The following MEF2D variants were observed in gnomAD, a reference collection of about 807,000 sequenced individuals.
The protein encoded by MEF2D is myocyte enhancer factor 2D.
Under a neutral mutation model 59.3 loss-of-function variants are expected in MEF2D, and 10 were observed. The observed-to-expected ratio is 0.17, with a 90% confidence interval of 0.10 to 0.29. The LOEUF (loss-of-function observed/expected upper bound fraction) is 0.29, where lower values mean the gene tolerates loss of function less well. Ranked by LOEUF, MEF2D falls within the 10% of genes least tolerant of loss-of-function variation. The probability of loss-of-function intolerance (pLI) is 1.00; values close to 1 mark genes in which losing one functional copy is unlikely to be tolerated. For missense variants in MEF2D, 508 were observed against 699.4 expected, an observed-to-expected ratio of 0.73 and a Z score of 3.09; for synonymous variants, 305 against 295.0, an observed-to-expected ratio of 1.03 and a Z score of -0.35.
chr1:156,482,878 A>T (rs1188486029), intron 2 of MEF2D, among the ~76,000 whole-genome samples: 1 of 152,214 alleles, frequency 6.6e-6, no homozygotes, highest in Non-Finnish European at 1.5e-5. Flanking sequence ...ATTCAGGTGG[A>T]CAGAACTCCA....
intron 9 of MEF2D, among the ~76,000 whole-genome samples, chr1:156,469,605 A>AG (rs960555370): frequency 4.7e-5 from 6 of 127,204 alleles, no homozygotes; most frequent in African/African-American, 1.6e-4. Context: ...AAAAAAAAAA[A>AG]ACAGCTGGGC....
At chr1:156,481,364 G>A (rs1672006250) in intron 3 of MEF2D, among the ~76,000 whole-genome samples, 1 of 152,188 alleles carries the variant, frequency 6.6e-6, no homozygotes, top group Admixed American at 6.5e-5. Flanking sequence ...TGACCAGAAG[G>A]CACTGAGTTC....
At chr1:156,467,896 G>C in intron 11 of MEF2D, 97 bp downstream of exon 11, 2 of 1,453,942 alleles carry the variant, frequency 1.4e-6, no homozygotes, top group East Asian at 2.3e-5. Flanking sequence ...CCGGCCACAA[G>C]GCCTCTTGGG....
At chr1:156,469,894 A>G (rs1671123575) in intron 9 of MEF2D, among the ~76,000 whole-genome samples, 1 of 152,058 alleles carries the variant, frequency 6.6e-6, no homozygotes, top group Admixed American at 6.5e-5. Context: ...AAAAAAAATC[A>G]TGTGTAGGTA....
intron 1 of MEF2D, among the ~76,000 whole-genome samples, chr1:156,495,587 G>A (rs892650411): frequency 3.3e-5 from 5 of 151,838 alleles, no homozygotes; most frequent in South Asian, 2.1e-4. Context: ...CCGGAGGATC[G>A]CTTGAATGGG....
At chr1:156,473,434 G>C (rs1671372559) in intron 9 of MEF2D, among the ~76,000 whole-genome samples, 1 of 152,178 alleles carries the variant, frequency 6.6e-6, no homozygotes, top group African/African-American at 2.4e-5. Flanking sequence ...TTTTGGTCCA[G>C]ACTAAACTCA....
intron 9 of MEF2D, among the ~76,000 whole-genome samples, chr1:156,472,976 C>T (rs1034468009): frequency 6.6e-6 from 1 of 151,850 alleles, no homozygotes; most frequent in Non-Finnish European, 1.5e-5. Flanking sequence ...TCCCAAAGTG[C>T]TGAGATTACA....
chr1:156,479,232 T>C (rs1471485388), intron 6 of MEF2D, 58 bp downstream of exon 6: 3 of 1,474,412 alleles, frequency 2.0e-6, no homozygotes, highest in East Asian at 4.8e-5. Flanking sequence ...TTGGACCCCC[T>C]GAGGCCACTG....
At chr1:156,482,679 G>A (rs1256428022) in intron 2 of MEF2D, 39 bp from the exon 3 acceptor site, 5 of 1,596,698 alleles carry the variant, frequency 3.1e-6, no homozygotes, top group African/African-American at 1.3e-5. Flanking sequence ...ATCTGGCTCA[G>A]TTAAGGCCTG....
rs146815451 is a variant in MEF2D at position 156,481,463 on chromosome 1, CAG to C, written c.259-494_259-493del. Among the ~76,000 whole-genome samples the C allele has an allele frequency of 2.9e-3, 438 of 152,162 alleles. 2 individuals carry two copies. Among genetic ancestry groups the C allele is most frequent in the Non-Finnish European group, 5.2e-3 (353 of 67,988 alleles). On this transcript the variant is annotated intron_variant, in intron 3 of 11. Transcript: ENST00000348159. ...AGGAAGAGAGAAATAGAGATGGAGA[CAG>C]AGAGAGCGGGGAATGGGATGTGGAA...
In MEF2D at chr1:156,468,206, A is replaced by C; in HGVS notation, c.1341T>G (p.Arg447=). 1 of 1,613,192 alleles carries C rather than the reference A, an allele frequency of 6.2e-7. No individual in the cohort carries two copies. Among genetic ancestry groups the C allele is most frequent in the Non-Finnish European group, 8.5e-7 (1 of 1,179,532 alleles). The part of the protein sequence containing the change: ...SIKSEPVSPS[R]ERSPAPPPPA... Reference sequence around the variant, plus strand: ...GAGGGGGAGGCGCAGGGCTGCGCTCACGGCTTGGGGACACCGGTTCTGACT... The same window carrying C: ...GAGGGGGAGGCGCAGGGCTGCGCTCCCGGCTTGGGGACACCGGTTCTGACT... Residue 447 remains arginine, a synonymous_variant, in exon 11 of 12, where the codon CGT becomes CGG. Transcript: ENST00000348159. This position sits in a 1 kb window ranked among gnomAD's most constrained non-coding sequence, Gnocchi z 4.3.
intron 9 of MEF2D, among the ~76,000 whole-genome samples, chr1:156,472,173 G>A (rs765311590): frequency 6.6e-6 from 1 of 152,200 alleles, no homozygotes; most frequent in African/African-American, 2.4e-5. Flanking sequence ...GCTGCCCTCC[G>A]CCAACTGTCC....
intron 1 of MEF2D, among the ~76,000 whole-genome samples, chr1:156,487,905 T>C (rs1672473289): frequency 6.6e-6 from 1 of 152,218 alleles, no homozygotes; most frequent in Non-Finnish European, 1.5e-5. Context: ...CCATCTCTCC[T>C]TCACCCTGCC....
intron 7 of MEF2D, 66 bp from the exon 8 acceptor site, chr1:156,476,580 T>C: frequency 2.5e-6 from 4 of 1,576,224 alleles, no homozygotes; most frequent in Non-Finnish European, 3.5e-6. Context: ...CACACCTCTG[T>C]CCCCACAGCT....
intron 1 of MEF2D, among the ~76,000 whole-genome samples, chr1:156,487,555 A>G (rs1672454133): frequency 6.6e-6 from 1 of 152,242 alleles, no homozygotes; most frequent in Admixed American, 6.5e-5. Context: ...GCCCTGAGGC[A>G]AGAACATGAA....
At chr1:156,496,140 C>T (rs1304563714) in intron 1 of MEF2D, among the ~76,000 whole-genome samples, 1 of 152,210 alleles carries the variant, frequency 6.6e-6, no homozygotes, top group Non-Finnish European at 1.5e-5. Flanking sequence ...GGCTTGTAGC[C>T]TCAGCCTCAG....
chr1:156,496,777 C>T (rs548029687), intron 1 of MEF2D, among the ~76,000 whole-genome samples: 1 of 152,344 alleles, frequency 6.6e-6, no homozygotes, highest in East Asian at 1.9e-4. Flanking sequence ...CCACTAAATG[C>T]TGTGGACTGC....
chr1:156,475,536 A>C (rs1671513058), intron 8 of MEF2D, among the ~76,000 whole-genome samples: 1 of 152,200 alleles, frequency 6.6e-6, no homozygotes, highest in Non-Finnish European at 1.5e-5. Context: ...GTGCAGAGTG[A>C]GGGAAGGGAG....
chr1:156,474,062 T>C (rs1020873381), intron 9 of MEF2D, among the ~76,000 whole-genome samples: 15 of 152,172 alleles, frequency 9.9e-5, no homozygotes, highest in East Asian at 7.7e-4. Context: ...AGCCTAGAGA[T>C]TGGTCAGCCT....
Sources: gnomAD v4.1 joint callset for allele counts (sites outside exome capture counted in the v4.1 genomes callset) on GRCh38, gnomAD v4.1.1 for gene constraint, Gnocchi (gnomAD v3.1) non-coding constraint, MANE v1.5 for transcripts, NCBI Gene and HGNC (gene_info 2026-07-23, HGNC 2026-07-21) for gene names.